The following PPP2R2B variants were observed in gnomAD, a reference collection of about 807,000 sequenced individuals.
The protein encoded by PPP2R2B is protein phosphatase 2 regulatory subunit Bbeta.
A neutral mutation model predicts 46.0 loss-of-function variants in PPP2R2B; 5 were observed. That is an observed-to-expected ratio of 0.11 (90% CI 0.06 to 0.23). The LOEUF is 0.23. Ranked by LOEUF, PPP2R2B falls within the 10% of genes least tolerant of loss-of-function variation. The pLI is 1.00. For synonymous variants in PPP2R2B, 215 were observed against 206.7 expected (o/e 1.04, Z -0.34); for missense variants, 367 against 575.0 (o/e 0.64, Z 3.70).
chr5:146,851,305 T>C (rs1221656700), intron 2 of PPP2R2B, among the ~76,000 whole-genome samples: 1 of 152,164 alleles, frequency 6.6e-6, no homozygotes, highest in Admixed American at 6.6e-5. Flanking sequence ...TGAGCATATT[T>C]ACTAGATTCC....
intron 6 of PPP2R2B, among the ~76,000 whole-genome samples, chr5:146,643,803 A>T (rs973768114): frequency 1.3e-5 from 2 of 152,212 alleles, no homozygotes; most frequent in Non-Finnish European, 2.9e-5. Flanking sequence ...ACAAAATAAA[A>T]TAGTCTGTGA....
In PPP2R2B at chr5:146,600,279, G is replaced by A; in HGVS notation, c.960+12C>T. On this transcript the variant is annotated intron_variant, in intron 8 of 9. Transcript: ENST00000394411. ...ATGTTCAATATACCTATGGGTGCCT[G>A]GGGTTCTATACCTGGTAAGTCTCGA... 1 of 1,612,388 alleles carries A rather than the reference G, an allele frequency of 6.2e-7. No homozygotes were observed. Among genetic ancestry groups the A allele is most frequent in the Non-Finnish European group, 8.5e-7 (1 of 1,179,310 alleles).
intron 7 of PPP2R2B, among the ~76,000 whole-genome samples, chr5:146,606,314 G>A (rs1256498587): frequency 6.6e-6 from 1 of 152,034 alleles, no homozygotes; most frequent in African/African-American, 2.4e-5. Context: ...GTTAGGAGGG[G>A]CCCAAGACCA....
intron 1 of PPP2R2B, among the ~76,000 whole-genome samples, chr5:146,926,002 A>G (rs1310641224): frequency 1.3e-5 from 2 of 152,096 alleles, no homozygotes; most frequent in South Asian, 2.1e-4. Flanking sequence ...TAAATTCAAT[A>G]TCCTTATTAA....
intron 7 of PPP2R2B, among the ~76,000 whole-genome samples, chr5:146,627,122 G>A (rs1360427179): frequency 1.3e-5 from 2 of 152,176 alleles, no homozygotes; most frequent in Non-Finnish European, 2.9e-5. Context: ...TTGCAGCAAG[G>A]CTTTTGGCTT....
Position 146,878,264 on chromosome 5 carries a change from A to G in PPP2R2B, c.-124-69T>C. 1 of 1,484,742 alleles carries G rather than the reference A, an allele frequency of 6.7e-7. No homozygotes were observed. Among genetic ancestry groups the G allele is most frequent in the Middle Eastern group, 2.5e-4 (1 of 4,054 alleles). The allele number at this position is 1,484,742 out of a possible 1,614,324, so 92.0% of individuals were successfully genotyped here. On this transcript the variant is annotated intron_variant, in intron 1 of 9. Coordinates refer to ENST00000394411, the MANE Select transcript of PPP2R2B (RefSeq NM_181675.4). This position sits in a 1 kb window ranked among gnomAD's most constrained non-coding sequence, Gnocchi z 4.5. ...CGGCAATGGAGCTGTCACCTCCTCC[A>G]CTCGGGTTCTGCGAGGCTGCGGCGG...
chr5:147,055,534 G>A (rs1056754109), intron 1 of PPP2R2B: 1 of 760,644 alleles, frequency 1.3e-6, no homozygotes, highest in Admixed American at 2.4e-5. Context: ...TAAGTCTGTT[G>A]GATACAAGCT....
chr5:147,024,008 A>G (rs540697130), intron 1 of PPP2R2B, among the ~76,000 whole-genome samples: 1 of 152,324 alleles, frequency 6.6e-6, no homozygotes, highest in South Asian at 2.1e-4. Context: ...TCGGAGTTCC[A>G]TCATTGGCTC....
At position 146,987,375 on chromosome 5, in the gene PPP2R2B, G is replaced by A. The variant is rs116101999; in HGVS notation, c.79+68290C>T. Among the ~76,000 whole-genome samples, 779 of 152,114 alleles carry A rather than the reference G, an allele frequency of 5.1e-3. 3 individuals carry two copies. The highest frequency in any genetic ancestry group is 0.018 in the African/African-American group (739 of 41,514). ...TATACTGTAACCACCCATATCTTTA[G>A]TGTAAGTACCAAAAGATAAAACTAC... On this transcript the variant is annotated intron_variant, in intron 1 of 8. Coordinates refer to the PPP2R2B transcript ENST00000336640.
chr5:147,045,783 G>A (rs1239076700), intron 1 of PPP2R2B, among the ~76,000 whole-genome samples: 1 of 152,044 alleles, frequency 6.6e-6, no homozygotes, highest in Non-Finnish European at 1.5e-5. Context: ...ACCCCATCTT[G>A]GTCTCTGTGC....
At chr5:147,054,808 G>A (rs1756997501) in intron 1 of PPP2R2B, 1 of 398,158 alleles carries the variant, frequency 2.5e-6, no homozygotes, top group Non-Finnish European at 5.0e-6. Context: ...CAATCCTTAA[G>A]CCTGAAAAAT....
At chr5:146,831,281 A>G (rs12519616) in intron 2 of PPP2R2B, among the ~76,000 whole-genome samples, 27,656 of 151,818 alleles carry the variant, frequency 0.18, 2,939 homozygotes, top group East Asian at 0.44. Context: ...TGGATTACCT[A>G]AGGTAAGAAG....
chr5:146,726,427 G>A (rs529668471), intron 2 of PPP2R2B, among the ~76,000 whole-genome samples: 7 of 152,178 alleles, frequency 4.6e-5, no homozygotes, highest in African/African-American at 1.7e-4. Context: ...AGGGGAGTAT[G>A]GCCAAGTATA....
chr5:146,936,906 C>G (rs1367053358), intron 1 of PPP2R2B, among the ~76,000 whole-genome samples: 1 of 150,000 alleles, frequency 6.7e-6, no homozygotes. Flanking sequence ...AATGGACAGT[C>G]CCTGTACTAA....
chr5:146,940,202 T>C (rs1764276319), intron 1 of PPP2R2B, among the ~76,000 whole-genome samples: 1 of 152,204 alleles, frequency 6.6e-6, no homozygotes, highest in Non-Finnish European at 1.5e-5. Context: ...CATGTTGATC[T>C]TTCCACTCCA....
chr5:146,760,447 A>T (rs576494692), intron 2 of PPP2R2B, among the ~76,000 whole-genome samples: 1 of 152,270 alleles, frequency 6.6e-6, no homozygotes, highest in Non-Finnish European at 1.5e-5. Context: ...CTATTATGGG[A>T]TGAAATGAAC....
At chr5:146,716,771 G>A (rs911019088) in intron 2 of PPP2R2B, among the ~76,000 whole-genome samples, 9 of 152,048 alleles carry the variant, frequency 5.9e-5, no homozygotes, top group African/African-American at 9.7e-5. Context: ...ACCAAGTAAG[G>A]ACAGTTTACA....
chr5:146,746,568 C>T (rs1436409354), intron 2 of PPP2R2B, among the ~76,000 whole-genome samples: 1 of 152,168 alleles, frequency 6.6e-6, no homozygotes, highest in East Asian at 1.9e-4. Flanking sequence ...GAGAACAGGG[C>T]TTCCAGGACG....
At chr5:146,851,277 C>T (rs1760331940) in intron 2 of PPP2R2B, among the ~76,000 whole-genome samples, 1 of 152,110 alleles carries the variant, frequency 6.6e-6, no homozygotes, top group Non-Finnish European at 1.5e-5. Context: ...TTTCATTCAA[C>T]ATTTAACAAA....
Sources: allele counts gnomAD v4.1 joint callset (sites outside exome capture counted in the v4.1 genomes callset), GRCh38; gene constraint gnomAD v4.1.1; non-coding constraint Gnocchi (gnomAD v3.1); transcripts MANE v1.5; gene names NCBI Gene and HGNC (gene_info 2026-07-23, HGNC 2026-07-21).